The following MAB21L3 variants were observed in gnomAD, a reference collection of about 807,000 sequenced individuals.
MAB21L3 encodes protein mab-21-like 3.
Under a neutral mutation model 37.7 loss-of-function variants are expected in MAB21L3, and 36 were observed. The observed-to-expected ratio is 0.96, with a 90% CI of 0.73 to 1.26. The LOEUF (loss-of-function observed/expected upper bound fraction) is 1.26. Among genes scored for constraint, MAB21L3 ranks in the 50% most tolerant of loss-of-function variants. MAB21L3 has a pLI of 0.00. For synonymous variants in MAB21L3, 186 were observed against 176.8 expected (o/e 1.05, Z -0.41); for missense variants, 430 against 447.3 (o/e 0.96, Z 0.35).
In MAB21L3 at chr1:116,136,337, G is replaced by A. The variant is rs544685313; in HGVS notation, c.*2972G>A. ...CAAGCATTCTTATACACCAATAACA[G>A]ACAGAGAGCCAAATCATGAGTGAAC... is the stretch of plus-strand genomic sequence containing the variant. On this transcript the variant is annotated 3_prime_UTR_variant, in exon 8 of 8. Coordinates refer to ENST00000369500, the MANE Select transcript of MAB21L3 (RefSeq NM_152367.3). Among the ~76,000 whole-genome samples, 3 of 151,604 alleles carry A rather than the reference G, an allele frequency of 2.0e-5. No homozygotes were observed.
chr1:116,121,006 C>T lies in MAB21L3; in HGVS notation c.123C>T (p.Asn41=). 3 of 1,614,152 alleles carry T rather than the reference C, an allele frequency of 1.9e-6. No individual in the cohort carries two copies. Among genetic ancestry groups the T allele is most frequent in the East Asian group, 4.5e-5 (2 of 44,878 alleles). The change falls in exon 4 of 8, where the codon AAC becomes AAT. Residue 41 remains asparagine, a synonymous_variant. Coordinates refer to ENST00000369500, the MANE Select transcript of MAB21L3 (RefSeq NM_152367.3). ...AAGTCGTTCATCATTTGACCACAAA[C>T]ATCAGCAACCAAGACATTAGATTTC... ...VQKVVHHLTT[N]ISNQDIRFQA...
intron 7 of MAB21L3, among the ~76,000 whole-genome samples, chr1:116,130,329 C>T (rs1660037280): frequency 6.6e-6 from 1 of 152,250 alleles, no homozygotes; most frequent in East Asian, 1.9e-4. Context: ...TTTCAATCCT[C>T]CCTGACCCAC....
chr1:116,124,306 C>G lies in MAB21L3; in HGVS notation c.430C>G (p.Leu144Val), dbSNP rs749158274. 2.5e-6 allele frequency: 4 copies of G among 1,614,076 alleles called. No homozygotes were observed. In the Admixed American group the frequency reaches 5.0e-5, roughly 20 times the overall value. The change falls in exon 5 of 8, where the codon CTA becomes GTA. Residue 144 changes from leucine to valine, a missense_variant. Physicochemically the swap from Leu to Val is conservative, Grantham distance 32 (BLOSUM62 1). Coordinates refer to ENST00000369500, the MANE Select transcript of MAB21L3 (RefSeq NM_152367.3). ...AGACATTGTGCCTGCCAAGGTCCTC[C>G]TAGTGTTCCGGAAGCTGGTGGAAAA... ...DGDIVPAKVL[L>V]VFRKLVENAV... is the part of the protein sequence containing the mutation.
intron 7 of MAB21L3, among the ~76,000 whole-genome samples, chr1:116,131,834 A>G (rs558666648): frequency 3.9e-5 from 6 of 152,276 alleles, no homozygotes; most frequent in Admixed American, 2.6e-4. Context: ...GGCTGATGAG[A>G]TCGCTACTGC....
In MAB21L3 at chr1:116,111,607, AAT is replaced by A. The variant is rs1659425893; in HGVS notation, c.-391-21_-391-20del. 7.4e-6 allele frequency: 1 copy of A among 135,234 alleles called. No individual in the cohort carries two copies. Among genetic ancestry groups the A allele is most frequent in the African/African-American group, 3.6e-5 (1 of 27,424 alleles). The allele number at this position is 135,234 out of a possible 1,614,324, so 8.4% of individuals were successfully genotyped here. On this transcript the variant is annotated intron_variant, in intron 1 of 7. Coordinates refer to ENST00000369500, the MANE Select transcript of MAB21L3 (RefSeq NM_152367.3). ...CTTCAAGGAGATCAGACCATTGTGAAATTTTTTTTTTTTTTCTGTAGTAAAAC... is the reference window on the plus strand; with the variant it reads ...CTTCAAGGAGATCAGACCATTGTGAATTTTTTTTTTTTTCTGTAGTAAAAC...
At chr1:116,131,292 A>G (rs963048403) in intron 7 of MAB21L3, among the ~76,000 whole-genome samples, 1 of 152,198 alleles carries the variant, frequency 6.6e-6, no homozygotes, top group Non-Finnish European at 1.5e-5. Context: ...CAAAGAAGGG[A>G]AAGAAGTGTG....
chr1:116,133,120 T>C lies in MAB21L3; in HGVS notation c.856-12T>C, dbSNP rs1466986626. The C allele has an allele frequency of 1.9e-6, 3 of 1,604,856 alleles. No homozygotes were observed. Among genetic ancestry groups the C allele is most frequent in the Non-Finnish European group, 2.6e-6 (3 of 1,171,920 alleles). ...CCGAAACAATGTCTGACAGCACTTC[T>C]CCCTTCCACAGACTGTGCTCTTTTG... On this transcript the variant is annotated splice_polypyrimidine_tract_variant and intron_variant, in intron 7 of 7. Transcript: ENST00000369500.
intron 3 of MAB21L3, among the ~76,000 whole-genome samples, chr1:116,113,279 A>G (rs746749026): frequency 5.3e-5 from 8 of 152,244 alleles, no homozygotes; most frequent in Non-Finnish European, 1.0e-4. Context: ...TTGACTAAGA[A>G]GTAGGCACTG....
Position 116,121,073 on chromosome 1 carries a change from G to T in MAB21L3, c.189+1G>T, listed in dbSNP as rs1309296579. 6.2e-7 allele frequency: 1 copy of T among 1,612,518 alleles called. No homozygotes were observed. Among genetic ancestry groups the T allele is most frequent in the South Asian group, 1.1e-5 (1 of 90,812 alleles). On this transcript the variant is annotated splice_donor_variant, in intron 4 of 7. Coordinates refer to ENST00000369500, the MANE Select transcript of MAB21L3 (RefSeq NM_152367.3). LOFTEE classifies it high-confidence loss of function. Reference sequence around the variant, plus strand: ...TGACACGTACAATGAAAATATTAAGGTAAGCAAGTCTTGCTGTCTCTAAGT... The same window carrying T: ...TGACACGTACAATGAAAATATTAAGTTAAGCAAGTCTTGCTGTCTCTAAGT...
At chr1:116,114,893 T>G (rs1659543617) in intron 3 of MAB21L3, among the ~76,000 whole-genome samples, 1 of 152,078 alleles carries the variant, frequency 6.6e-6, no homozygotes, top group Non-Finnish European at 1.5e-5. Context: ...TTGGAGGAAG[T>G]GTAGGGTTTT....
chr1:116,133,395 C>CATTTTAT lies in MAB21L3; in HGVS notation c.*31_*37dup. On this transcript the variant is annotated 3_prime_UTR_variant, in exon 8 of 8. Transcript: ENST00000369500. ...TGCCCCGGCCTGGGAGGCTCTTGGA[C>CATTTTAT]ATTTTATTCTGGCTTAACATTGTTC... 6.3e-7 allele frequency: 1 copy of CATTTTAT among 1,585,016 alleles called. No homozygotes were observed. The highest frequency in any genetic ancestry group is 8.7e-7 in the Non-Finnish European group (1 of 1,153,686).
intron 3 of MAB21L3, among the ~76,000 whole-genome samples, chr1:116,119,294 T>G (rs765727606): frequency 1.3e-4 from 20 of 152,232 alleles, no homozygotes; most frequent in Non-Finnish European, 2.6e-4. Flanking sequence ...AACAAATACT[T>G]ACTGATGAAC....
At chr1:116,122,596 T>A (rs897213185) in intron 4 of MAB21L3, among the ~76,000 whole-genome samples, 1 of 152,246 alleles carries the variant, frequency 6.6e-6, no homozygotes, top group Non-Finnish European at 1.5e-5. Flanking sequence ...GGTCTCATTC[T>A]GTCACCCAGG....
At position 116,136,229 on chromosome 1, in the gene MAB21L3, C is replaced by T. The variant is rs1660195243; in HGVS notation, c.*2864C>T. ...AACATGATTGTATATCTAGAAAACC[C>T]CATTGTCTCAGCCCAAAATCTCCTT... On this transcript the variant is annotated 3_prime_UTR_variant, in exon 8 of 8. Transcript: ENST00000369500. 6.6e-6 allele frequency among the ~76,000 whole-genome samples: 1 copy of T among 151,572 alleles called. No individual in the cohort carries two copies. The highest frequency in any genetic ancestry group is 2.4e-5 in the African/African-American group (1 of 41,210).
intron 3 of MAB21L3, among the ~76,000 whole-genome samples, chr1:116,120,017 G>A (rs937840073): frequency 6.6e-6 from 1 of 152,126 alleles, no homozygotes; most frequent in Non-Finnish European, 1.5e-5. Context: ...AGGCTGCTGG[G>A]TGCTGATACA....
chr1:116,126,292 G>C (rs1659906539), intron 5 of MAB21L3, among the ~76,000 whole-genome samples: 1 of 152,150 alleles, frequency 6.6e-6, no homozygotes, highest in African/African-American at 2.4e-5. Context: ...GAAAGAAGAA[G>C]GAGCAAATTG....
chr1:116,128,632 T>G (rs1003636635), intron 7 of MAB21L3, among the ~76,000 whole-genome samples: 1 of 152,164 alleles, frequency 6.6e-6, no homozygotes, highest in African/African-American at 2.4e-5. Context: ...CTCACTTTTA[T>G]TTTACCCACC....
intron 3 of MAB21L3, among the ~76,000 whole-genome samples, chr1:116,119,861 A>T (rs1404626076): frequency 6.6e-6 from 1 of 152,182 alleles, no homozygotes; most frequent in Non-Finnish European, 1.5e-5. Context: ...TGAGTTTTCT[A>T]TGAGAATTTC....
chr1:116,124,527 G>A (rs1279412702), intron 5 of MAB21L3, among the ~76,000 whole-genome samples, 170 bp downstream of exon 5: 1 of 152,106 alleles, frequency 6.6e-6, no homozygotes, highest in African/African-American at 2.4e-5. Flanking sequence ...TTTTCCTGCT[G>A]TTGATGCACA....
Sources: gnomAD v4.1 joint callset for allele counts (sites outside exome capture counted in the v4.1 genomes callset) on GRCh38, gnomAD v4.1.1 for gene constraint, MANE v1.5 for transcripts, NCBI Gene and HGNC (gene_info 2026-07-23, HGNC 2026-07-21) for gene names.